SERPINB8: variants seen among roughly 807,000 people sequenced by gnomAD.
SERPINB8 encodes serpin family B member 8.
SERPINB8 carries 25 observed loss-of-function variants against 35.3 expected under a neutral mutation model. That is an observed-to-expected ratio of 0.71 (90% CI 0.52 to 0.99). The LOEUF (loss-of-function observed/expected upper bound fraction) is 0.99. SERPINB8 is among the 50% of genes least tolerant of loss of function. SERPINB8 has a pLI of 0.00. For synonymous variants in SERPINB8, 186 were observed against 160.8 expected (o/e 1.16, Z -1.19); for missense variants, 484 against 446.5 (o/e 1.08, Z -0.76).
chr18:63,972,696 G>A (rs185935536), intron 1 of SERPINB8, among the ~76,000 whole-genome samples: 85 of 137,984 alleles, frequency 6.2e-4, no homozygotes, highest in African/African-American at 2.2e-3. Context: ...ATGTCCAAGT[G>A]TTTTCATTGT....
downstream of SERPINB8, among the ~76,000 whole-genome samples, chr18:63,989,893 A>T (rs1244841530): frequency 1.9e-4 from 24 of 127,434 alleles, no homozygotes; most frequent in Admixed American, 2.0e-3. Context: ...CAGTGAGCCG[A>T]GATCCCGCCA....
downstream of SERPINB8, among the ~76,000 whole-genome samples, chr18:64,009,888 G>A (rs374865253): frequency 4.6e-5 from 7 of 152,088 alleles, no homozygotes; most frequent in East Asian, 1.9e-4. Flanking sequence ...AAGGATTTTT[G>A]TCATATATTT....
chr18:63,970,132 C>T lies in SERPINB8; in HGVS notation c.-49C>T, dbSNP rs1370682708. The T allele has an allele frequency of 2.9e-6, 1 of 350,624 alleles. No individual in the cohort carries two copies. 21.7% of individuals were successfully genotyped at this position (350,624 alleles called of 1,614,324 possible). ...AAAGGAGGAATAGTCAAAGCAGCAG[C>T]GGCGGCGGCGGCGGCGGCAGCAGCA... On this transcript the variant is annotated 5_prime_UTR_variant, in exon 1 of 7. Coordinates refer to ENST00000397985, the MANE Select transcript of SERPINB8 (RefSeq NM_002640.4).
rs1376500048 is a variant in SERPINB8 at position 63,987,031 on chromosome 18, A to G, written c.878A>G (p.Asp293Gly). The G allele has an allele frequency of 1.4e-5, 23 of 1,614,094 alleles. No homozygotes were observed. The highest frequency in any genetic ancestry group is 1.9e-5 in the Non-Finnish European group (22 of 1,180,044). ...AGATTAGGAATGATCGATGCTTTTG[A>G]CGAAGCCAAGGCAGACTTTTCTGGA... Reference protein sequence around the residue: ...LRRLGMIDAFDEAKADFSGMS... With the variant: ...LRRLGMIDAFGEAKADFSGMS... Residue 293 changes from aspartate to glycine, a missense_variant, in exon 7 of 7, where the codon GAC becomes GGC. By Grantham distance (94) the Asp-to-Gly change is moderately conservative. Coordinates refer to ENST00000397985, the MANE Select transcript of SERPINB8 (RefSeq NM_002640.4).
intron 6 of SERPINB8, chr18:63,986,476 G>T: frequency 2.9e-6 from 4 of 1,377,104 alleles, no homozygotes; most frequent in Non-Finnish European, 3.7e-6. Context: ...CAGAAGCAGA[G>T]TTCTGAGCCA....
chr18:64,007,279 GA>G (rs1372118374), downstream of SERPINB8, among the ~76,000 whole-genome samples: 1 of 151,762 alleles, frequency 6.6e-6, no homozygotes, highest in Non-Finnish European at 1.5e-5. Flanking sequence ...AATTTGTAAG[GA>G]AAAAAACAAC....
chr18:63,991,953 T>C (rs190628214), downstream of SERPINB8, among the ~76,000 whole-genome samples: 35 of 152,366 alleles, frequency 2.3e-4, no homozygotes, highest in Non-Finnish European at 4.1e-4. Context: ...AATTTTTGAA[T>C]GTTGAAACAA....
At chr18:63,978,262 G>GGCT in intron 1 of SERPINB8, 37 bp from the exon 2 acceptor site, 2 of 1,612,380 alleles carry the variant, frequency 1.2e-6, no homozygotes, top group South Asian at 2.2e-5. Context: ...CGGAGTCATT[G>GGCT]GCTTATGTGC....
intron 1 of SERPINB8, among the ~76,000 whole-genome samples, chr18:63,977,692 G>A (rs1330746196): frequency 6.6e-6 from 1 of 152,170 alleles, no homozygotes; most frequent in Non-Finnish European, 1.5e-5. Context: ...CAGGGTGTCT[G>A]TGCCCCTGTT....
downstream of SERPINB8, among the ~76,000 whole-genome samples, chr18:63,989,646 T>G (rs1396073590): frequency 3.3e-5 from 5 of 152,062 alleles, no homozygotes; most frequent in Non-Finnish European, 5.9e-5. Flanking sequence ...GTTCAGCATT[T>G]AAAAAAATGT....
intron 5 of SERPINB8, among the ~76,000 whole-genome samples, 154 bp downstream of exon 5, chr18:63,983,875 C>G (rs1278781062): frequency 6.6e-6 from 1 of 152,062 alleles, no homozygotes; most frequent in Non-Finnish European, 1.5e-5. Flanking sequence ...GAGACAGGGT[C>G]TCTTTTTGTC....
At chr18:64,000,602 T>A (rs1475010418) in intron 1 of SERPINB8, among the ~76,000 whole-genome samples, 1 of 152,160 alleles carries the variant, frequency 6.6e-6, no homozygotes, top group African/African-American at 2.4e-5. Context: ...CTACCTGCAT[T>A]TCTAGCTCTG....
At chr18:64,001,758 G>A (rs929916938) in intron 1 of SERPINB8, among the ~76,000 whole-genome samples, 1 of 152,092 alleles carries the variant, frequency 6.6e-6, no homozygotes, top group African/African-American at 2.4e-5. Flanking sequence ...AAGTGCTGGG[G>A]TTACAGGCGT....
intron 7 of SERPINB8, among the ~76,000 whole-genome samples, chr18:64,012,853 T>C (rs991637194): frequency 7.2e-5 from 11 of 152,118 alleles, no homozygotes; most frequent in African/African-American, 2.4e-4. Flanking sequence ...TCTCAGAAAG[T>C]GTGACTAATT....
At chr18:64,004,655 A>AT (rs781106503) in intron 1 of SERPINB8, among the ~76,000 whole-genome samples, 11 of 152,150 alleles carry the variant, frequency 7.2e-5, no homozygotes, top group Non-Finnish European at 1.5e-4. Flanking sequence ...AAGCTTGCTG[A>AT]TTTTTATTTA....
chr18:63,977,847 A>C (rs1214662438), intron 1 of SERPINB8, among the ~76,000 whole-genome samples: 2 of 152,222 alleles, frequency 1.3e-5, no homozygotes, highest in Non-Finnish European at 2.9e-5. Context: ...TGGTTCTGGA[A>C]GTCCTAAGTC....
In SERPINB8 at chr18:63,986,611, G is replaced by A. The variant is rs2050758765; in HGVS notation, c.721-263G>A. 6.0e-6 allele frequency: 8 copies of A among 1,322,594 alleles called. 1 individual carries two copies. The South Asian group carries it at 1.6e-4, about 26-fold the overall frequency. The allele number at this position is 1,322,594 out of a possible 1,614,324, so 81.9% of individuals were successfully genotyped here. A position where few individuals can be genotyped will look rare whatever the true frequency, so the allele number is the denominator to read the frequency against. ...AAAATGTTTTTAACATTTGAAAGGA[G>A]TTAGGTACAAATTGTTTTTATTAAA... On this transcript the variant is annotated intron_variant, in intron 6 of 6. Transcript: ENST00000397985.
In SERPINB8 at chr18:63,979,908, C is replaced by CT; in HGVS notation, c.279dup (p.Gly94TrpfsTer6). On this transcript the variant is annotated frameshift_variant, in exon 3 of 7. Coordinates refer to ENST00000397985, the MANE Select transcript of SERPINB8 (RefSeq NM_002640.4). LOFTEE classifies it high-confidence loss of function. ...ACTTGCTTAGAACTGCCAACAGACT[C>CT]TTTGGAGAAAAGACGTGTGATTTCC... 6.2e-7 allele frequency: 1 copy of CT among 1,614,068 alleles called. No individual in the cohort carries two copies. Among genetic ancestry groups the CT allele is most frequent in the Non-Finnish European group, 8.5e-7 (1 of 1,179,982 alleles).
downstream of SERPINB8, among the ~76,000 whole-genome samples, chr18:63,991,515 G>T (rs1336288836): frequency 1.3e-5 from 2 of 151,946 alleles, no homozygotes; most frequent in African/African-American, 4.8e-5. Context: ...CTGATTAATT[G>T]TTGCTAGTAT....
Sources: allele counts gnomAD v4.1 joint callset (sites outside exome capture counted in the v4.1 genomes callset), GRCh38; gene constraint gnomAD v4.1.1; transcripts MANE v1.5; gene names NCBI Gene and HGNC (gene_info 2026-07-23, HGNC 2026-07-21).